OSBPL2: variants seen among roughly 807,000 people sequenced by gnomAD.
OSBPL2 encodes oxysterol-binding protein-related protein 2.
A neutral mutation model predicts 58.4 loss-of-function variants in OSBPL2; 18 were observed. The observed-to-expected ratio is 0.31, with a 90% CI of 0.21 to 0.46. OSBPL2 has a LOEUF of 0.46. OSBPL2 is among the 20% of genes least tolerant of loss of function. The probability of loss-of-function intolerance (pLI) is 1.00; values close to 1 mark genes in which losing one functional copy is unlikely to be tolerated. For synonymous variants in OSBPL2, 221 were observed against 234.1 expected (o/e 0.94, Z 0.51); for missense variants, 461 against 616.5 (o/e 0.75, Z 2.67).
chr20:62,287,759 A>G (rs929064811), intron 11 of OSBPL2, among the ~76,000 whole-genome samples: 3 of 152,244 alleles, frequency 2.0e-5, no homozygotes, highest in Admixed American at 6.5e-5. Flanking sequence ...TGGCCTGCCA[A>G]TGATACTATT....
At chr20:62,291,555 TTG>T (rs1316063576) in intron 12 of OSBPL2, 146 bp from the exon 13 acceptor site, 9 of 735,540 alleles carry the variant, frequency 1.2e-5, no homozygotes, top group Non-Finnish European at 1.7e-5. Flanking sequence ...GCAACTGTGA[TTG>T]TGTTTGGTCT....
chr20:62,276,282 T>C lies in OSBPL2; in HGVS notation c.492-2875T>C, dbSNP rs116967863. On this transcript the variant is annotated intron_variant, in intron 6 of 13. Transcript: ENST00000313733. Reference sequence around the variant, plus strand: ...GATTTGGTTTGCTTCAGATGGACTCTTTTCCAGTGTGTAAAGAGTTTAAAA... The same window carrying C: ...GATTTGGTTTGCTTCAGATGGACTCCTTTCCAGTGTGTAAAGAGTTTAAAA... Among the ~76,000 whole-genome samples, 114 of 152,328 alleles carry C rather than the reference T, an allele frequency of 7.5e-4. No individual in the cohort carries two copies. In the East Asian group the frequency reaches 0.012, roughly 16 times the overall value.
chr20:62,263,398 T>C (rs1408954133), intron 3 of OSBPL2, among the ~76,000 whole-genome samples: 1 of 152,140 alleles, frequency 6.6e-6, no homozygotes, highest in African/African-American at 2.4e-5. Context: ...TGCAGAGTCA[T>C]CTTTGTTGTC....
At position 62,291,754 on chromosome 20, in the gene OSBPL2, G is replaced by A. The variant is rs777965251; in HGVS notation, c.1301G>A (p.Arg434Gln). 10 of 1,613,454 alleles carry A rather than the reference G, an allele frequency of 6.2e-6. No homozygotes were observed. Among genetic ancestry groups the A allele is most frequent in the South Asian group, 4.4e-5 (4 of 91,090 alleles). Residue 434 changes from arginine (R) to glutamine (Q), a missense_variant, in exon 13 of 14, where the codon CGG becomes CAG. Arg to Gln is a conservative substitution (Grantham distance 43). This residue lies in a region of OSBPL2 where 319 missense variants were observed against 419.2 expected (regional missense o/e 0.76). Coordinates refer to ENST00000313733, the MANE Select transcript of OSBPL2 (RefSeq NM_144498.4). ...ERLEEKQREARRERAKEEAEW... is the reference protein window; with the variant it reads ...ERLEEKQREAQRERAKEEAEW... Reference sequence around the variant, plus strand: ...CTGGAGGAGAAGCAGAGAGAAGCACGGAGGGAGCGGGCCAAGGAGGAGGCA... The same window carrying A: ...CTGGAGGAGAAGCAGAGAGAAGCACAGAGGGAGCGGGCCAAGGAGGAGGCA...
intron 12 of OSBPL2, 70 bp from the exon 13 acceptor site, chr20:62,291,633 G>C: frequency 8.0e-7 from 1 of 1,244,428 alleles, no homozygotes; most frequent in Non-Finnish European, 1.2e-6. Context: ...TAGAGATCTA[G>C]GTGCATAGGG....
At chr20:62,281,455 C>T (rs556683507) in intron 8 of OSBPL2, 27 of 507,846 alleles carry the variant, frequency 5.3e-5, no homozygotes, top group Admixed American at 5.0e-4. Flanking sequence ...CGTCCACGGC[C>T]GTTGGCCACT....
Position 62,291,684 on chromosome 20 carries a change from CTGTT to C in OSBPL2, c.1250-16_1250-13del. The C allele has an allele frequency of 1.2e-6, 2 of 1,611,546 alleles. No individual in the cohort carries two copies. Among genetic ancestry groups the C allele is most frequent in the Non-Finnish European group, 1.7e-6 (2 of 1,178,146 alleles). On this transcript the variant is annotated splice_polypyrimidine_tract_variant and intron_variant, in intron 12 of 13. Transcript: ENST00000313733. ...TTCTAAGGTCTCTGTCTGACCTAAA[CTGTT>C]TGCTTGGATCCTAGATCTGGCCAGC... is the stretch of plus-strand genomic sequence containing the variant.
At chr20:62,264,137 G>GATT (rs1352895949) in intron 4 of OSBPL2, among the ~76,000 whole-genome samples, 3 of 151,944 alleles carry the variant, frequency 2.0e-5, no homozygotes, top group Non-Finnish European at 4.4e-5. Context: ...CAATAAAACA[G>GATT]GAAAAGAACA....
intron 13 of OSBPL2, among the ~76,000 whole-genome samples, chr20:62,292,923 A>C (rs531746665): frequency 4.6e-4 from 69 of 149,714 alleles, no homozygotes; most frequent in African/African-American, 1.7e-3. Context: ...GCTGGAGTGC[A>C]GTGGCGTGAT....
chr20:62,273,627 A>G (rs959268111), intron 6 of OSBPL2, among the ~76,000 whole-genome samples: 8 of 152,190 alleles, frequency 5.3e-5, no homozygotes, highest in African/African-American at 1.4e-4. Context: ...AGCGCTGGCA[A>G]TGAGATATTT....
At chr20:62,261,826 C>T (rs943380351) in intron 3 of OSBPL2, among the ~76,000 whole-genome samples, 1 of 152,126 alleles carries the variant, frequency 6.6e-6, no homozygotes, top group African/African-American at 2.4e-5. Context: ...AGTTCAGTGG[C>T]GTGACCTCGG....
chr20:62,270,071 C>T (rs1981955840), intron 4 of OSBPL2, among the ~76,000 whole-genome samples: 2 of 152,234 alleles, frequency 1.3e-5, no homozygotes, highest in African/African-American at 4.8e-5. Flanking sequence ...GTTTTGGGAA[C>T]CTCGCGGCCC....
Position 62,256,095 on chromosome 20 carries a change from G to A in OSBPL2, c.-90G>A. 3 of 1,483,726 alleles carry A rather than the reference G, an allele frequency of 2.0e-6. No homozygotes were observed. Among genetic ancestry groups the A allele is most frequent in the Non-Finnish European group, 2.8e-6 (3 of 1,088,652 alleles). The allele number at this position is 1,483,726 out of a possible 1,614,324, so 91.9% of individuals were successfully genotyped here. ...ATTGGATTTTTCCAAGAGAAAGTTTGTAAAATTCCTTACACTGTAGATGTG... is the reference window on the plus strand; with the variant it reads ...ATTGGATTTTTCCAAGAGAAAGTTTATAAAATTCCTTACACTGTAGATGTG... On this transcript the variant is annotated 5_prime_UTR_variant, in exon 2 of 14. Coordinates refer to ENST00000313733, the MANE Select transcript of OSBPL2 (RefSeq NM_144498.4).
intron 1 of OSBPL2, among the ~76,000 whole-genome samples, chr20:62,250,944 A>AATAG (rs1446718023): frequency 1.3e-5 from 2 of 152,150 alleles, no homozygotes; most frequent in Non-Finnish European, 2.9e-5. Flanking sequence ...TAAATAAATA[A>AATAG]ATAAATAAAC....
At chr20:62,275,358 C>T (rs768474396) in intron 6 of OSBPL2, among the ~76,000 whole-genome samples, 10 of 151,406 alleles carry the variant, frequency 6.6e-5, no homozygotes, top group Non-Finnish European at 7.4e-5. Context: ...GATTCTAAGA[C>T]GCCTTGTTCA....
intron 7 of OSBPL2, chr20:62,279,810 T>C (rs1001902717): frequency 1.9e-5 from 7 of 371,064 alleles, no homozygotes; most frequent in African/African-American, 1.5e-4. Context: ...TCTGGGCTGC[T>C]TGCTGCAGGG....
At chr20:62,264,940 T>C (rs747597889) in intron 4 of OSBPL2, among the ~76,000 whole-genome samples, 3 of 152,202 alleles carry the variant, frequency 2.0e-5, no homozygotes, top group Non-Finnish European at 4.4e-5. Flanking sequence ...CACACAGAAG[T>C]GAGGTACCCT....
At chr20:62,286,533 C>T in intron 10 of OSBPL2, 50 bp from the exon 11 acceptor site, 1 of 1,576,346 alleles carries the variant, frequency 6.3e-7, no homozygotes, top group Non-Finnish European at 8.7e-7. Context: ...TCCTCCTGGC[C>T]AAGAGCGGCC....
chr20:62,278,023 G>C (rs1248996594), intron 6 of OSBPL2, among the ~76,000 whole-genome samples: 2 of 152,212 alleles, frequency 1.3e-5, no homozygotes, highest in Non-Finnish European at 2.9e-5. Flanking sequence ...AGGGTTTGGA[G>C]TCAGAGGTGT....
Sources: allele counts gnomAD v4.1 joint callset (sites outside exome capture counted in the v4.1 genomes callset), GRCh38; gene constraint gnomAD v4.1.1; regional missense constraint gnomAD v4.1.1; transcripts MANE v1.5; gene names NCBI Gene and HGNC (gene_info 2026-07-23, HGNC 2026-07-21).